The following SEMA3A variants were observed in gnomAD, a reference collection of about 807,000 sequenced individuals.
SEMA3A encodes semaphorin-3A.
SEMA3A carries 29 observed loss-of-function variants against 97.9 expected under a neutral mutation model. The observed-to-expected ratio is 0.30, with a 90% CI of 0.22 to 0.40. SEMA3A has a LOEUF of 0.40. Ranked by LOEUF, SEMA3A falls within the 10% of genes least tolerant of loss-of-function variation. The pLI, the probability that SEMA3A is intolerant of heterozygous loss-of-function variation, is 1.00. For synonymous variants in SEMA3A, 321 were observed against 323.7 expected (o/e 0.99, Z 0.09); for missense variants, 763 against 951.3 (o/e 0.80, Z 2.60).
At chr7:84,343,642 G>A (rs1802225538) in intron 2 of SEMA3A, among the ~76,000 whole-genome samples, 1 of 152,128 alleles carries the variant, frequency 6.6e-6, no homozygotes, top group Admixed American at 6.5e-5. Flanking sequence ...AGAAAGCCAA[G>A]TGGAGATGTC....
At chr7:84,246,229 A>G (rs1054429509) in intron 3 of SEMA3A, among the ~76,000 whole-genome samples, 1 of 152,204 alleles carries the variant, frequency 6.6e-6, no homozygotes, top group African/African-American at 2.4e-5. Context: ...TGTTCCTATT[A>G]GGCTATCCTG....
rs1175962510 is a variant in SEMA3A, at chr7:84,067,727, C to A, written c.454-7169G>T. Among the ~76,000 whole-genome samples the A allele has an allele frequency of 2.5e-3, 383 of 151,906 alleles. 2 individuals are homozygous for A. The highest frequency in any genetic ancestry group is 8.7e-3 in the African/African-American group (361 of 41,400). On this transcript the variant is annotated intron_variant, in intron 4 of 16. Transcript: ENST00000265362. ...GCAAATCAAAACCACAATAAGATAC[C>A]ATCTCACACCAGTTAGAATGGCAAT...
At chr7:84,072,955 G>T (rs1167509552) in intron 4 of SEMA3A, among the ~76,000 whole-genome samples, 1 of 151,776 alleles carries the variant, frequency 6.6e-6, no homozygotes, top group Non-Finnish European at 1.5e-5. Flanking sequence ...AATAATGGAG[G>T]GAATAAGAAT....
chr7:84,457,583 T>C (rs1329789986), intron 1 of SEMA3A, among the ~76,000 whole-genome samples: 1 of 151,970 alleles, frequency 6.6e-6, no homozygotes, highest in Non-Finnish European at 1.5e-5. Flanking sequence ...CTAGAAAATA[T>C]TTTGTTCAGA....
In SEMA3A at chr7:84,239,488, C is replaced by T. The variant is rs1799311233; in HGVS notation, c.-82-44820G>A. On this transcript the variant is annotated intron_variant, in intron 3 of 3. Coordinates refer to the SEMA3A transcript ENST00000424555. ...GGTAATAAATAATATTTTAGAAATA[C>T]TGGAACTGTTACTTGAGGGAATAAT... Among the ~76,000 whole-genome samples the T allele has an allele frequency of 2.6e-5, 4 of 152,190 alleles. No homozygotes were observed. The South Asian group carries it at 8.3e-4, about 32-fold the overall frequency.
At position 84,011,877 on chromosome 7, in the gene SEMA3A, A is replaced by T. The variant is rs534266009; in HGVS notation, c.811-580T>A. 5.9e-5 allele frequency among the ~76,000 whole-genome samples: 9 copies of T among 152,302 alleles called. No homozygotes were observed. In the South Asian group the frequency reaches 1.9e-3, roughly 32 times the overall value. On this transcript the variant is annotated intron_variant, in intron 7 of 16. Coordinates refer to ENST00000265362, the MANE Select transcript of SEMA3A (RefSeq NM_006080.3). ...GTACTCATAAATTTATATAATCATAATTGTCAATTTACAGTTTAAAAGCAA... is the reference window on the plus strand; with the variant it reads ...GTACTCATAAATTTATATAATCATATTTGTCAATTTACAGTTTAAAAGCAA...
At chr7:83,961,856 A>G in intron 16 of SEMA3A, 30 bp from the exon 17 acceptor site, 1 of 1,520,782 alleles carries the variant, frequency 6.6e-7, no homozygotes, top group Non-Finnish European at 9.0e-7. Context: ...GCAGTGTAAA[A>G]TATACATATT....
upstream of SEMA3A, chr7:84,195,205 A>G (rs543164421): frequency 1.3e-5 from 2 of 152,098 alleles, no homozygotes; most frequent in Non-Finnish European, 2.9e-5. Context: ...CACACAACAC[A>G]TGCAAAAAAC....
intron 3 of SEMA3A, among the ~76,000 whole-genome samples, chr7:84,285,324 G>T (rs568219010): frequency 6.6e-6 from 1 of 152,026 alleles, no homozygotes; most frequent in Admixed American, 6.6e-5. Flanking sequence ...TCCACCAAAG[G>T]TTTTTCCAGG....
intron 3 of SEMA3A, among the ~76,000 whole-genome samples, chr7:84,230,790 T>C (rs1471824485): frequency 2.0e-5 from 3 of 151,994 alleles, no homozygotes; most frequent in African/African-American, 4.8e-5. Flanking sequence ...TTGTTTATAT[T>C]ACTCTATTAC....
intron 2 of SEMA3A, among the ~76,000 whole-genome samples, chr7:84,318,740 T>C (rs925504902): frequency 8.5e-5 from 13 of 152,182 alleles, no homozygotes; most frequent in Admixed American, 6.5e-5. Context: ...GCCACTCTTA[T>C]CTTGTGACTT....
chr7:84,320,052 T>C (rs1168897771), intron 2 of SEMA3A, among the ~76,000 whole-genome samples: 1 of 152,156 alleles, frequency 6.6e-6, no homozygotes, highest in Non-Finnish European at 1.5e-5. Flanking sequence ...TTCAGTTGAA[T>C]CACTTCTCTG....
intron 2 of SEMA3A, among the ~76,000 whole-genome samples, chr7:84,131,700 A>G (rs927083422): frequency 1.3e-5 from 2 of 152,194 alleles, no homozygotes; most frequent in African/African-American, 4.8e-5. Flanking sequence ...GCTTAGAAGA[A>G]AGCTATTTGA....
chr7:84,262,365 C>T (rs1413320682), intron 3 of SEMA3A, among the ~76,000 whole-genome samples: 1 of 152,112 alleles, frequency 6.6e-6, no homozygotes, highest in African/African-American at 2.4e-5. Context: ...CAGGTGCCTG[C>T]CACCATGCCC....
intron 2 of SEMA3A, among the ~76,000 whole-genome samples, chr7:84,334,550 C>T (rs1214565027): frequency 6.6e-6 from 1 of 152,070 alleles, no homozygotes; most frequent in Non-Finnish European, 1.5e-5. Flanking sequence ...CCTGTTCCCT[C>T]AATTTTCCTC....
chr7:84,249,517 G>T (rs529377954), intron 3 of SEMA3A, among the ~76,000 whole-genome samples: 2 of 151,868 alleles, frequency 1.3e-5, no homozygotes, highest in South Asian at 4.2e-4. Flanking sequence ...CATGGTGATG[G>T]GTTAAGATAT....
chr7:84,302,433 C>T (rs1462765634), intron 3 of SEMA3A, among the ~76,000 whole-genome samples: 2 of 152,160 alleles, frequency 1.3e-5, no homozygotes, highest in East Asian at 1.9e-4. Flanking sequence ...TCCGCCAAAA[C>T]GTTTTTACAT....
intron 1 of SEMA3A, among the ~76,000 whole-genome samples, chr7:84,468,106 A>G (rs956349204): frequency 6.6e-6 from 1 of 152,210 alleles, no homozygotes; most frequent in African/African-American, 2.4e-5. Flanking sequence ...CAACGAACTC[A>G]TTGAAGAGTC....
intron 1 of SEMA3A, among the ~76,000 whole-genome samples, chr7:84,405,481 A>T (rs1360799536): frequency 1.3e-5 from 2 of 152,190 alleles, no homozygotes; most frequent in African/African-American, 4.8e-5. Flanking sequence ...CATTAGACAG[A>T]TCAACGAGAC....
Sources: gnomAD v4.1 joint callset for allele counts (sites outside exome capture counted in the v4.1 genomes callset) on GRCh38, gnomAD v4.1.1 for gene constraint, MANE v1.5 for transcripts, NCBI Gene and HGNC (gene_info 2026-07-23, HGNC 2026-07-21) for gene names.